The following TANC1 variants were observed in gnomAD, a reference collection of about 807,000 sequenced individuals.
TANC1 encodes protein TANC1.
A neutral mutation model predicts 149.7 loss-of-function variants in TANC1; 77 were observed. That is an observed-to-expected ratio of 0.51 (90% CI 0.43 to 0.62). The LOEUF (loss-of-function observed/expected upper bound fraction) is 0.62, where lower values mean the gene tolerates loss of function less well. Ranked by LOEUF, TANC1 falls within the 20% of genes least tolerant of loss-of-function variation. The pLI is 0.00. For missense variants in TANC1, 1,985 were observed against 2,321.8 expected (o/e 0.85, Z 2.98); for synonymous variants, 854 against 925.0 (o/e 0.92, Z 1.39).
intron 11 of TANC1, 132 bp downstream of exon 11, chr2:159,172,404 T>G (rs2055357660): frequency 1.2e-6 from 1 of 826,798 alleles, no homozygotes. Context: ...TTTAATGAAA[T>G]AGTGATACAG....
chr2:158,994,534 G>A (rs2035964433), intron 1 of TANC1, among the ~76,000 whole-genome samples: 2 of 152,200 alleles, frequency 1.3e-5, no homozygotes. Flanking sequence ...GCTTCCCCAA[G>A]TGCTGGGATT....
At chr2:159,203,815 A>G (rs945704039) in intron 19 of TANC1, among the ~76,000 whole-genome samples, 4 of 150,264 alleles carry the variant, frequency 2.7e-5, no homozygotes, top group Admixed American at 6.6e-5. Context: ...GGGCTCAAGC[A>G]GTCCTCCTGA....
In TANC1 at chr2:159,037,372, C is replaced by T. The variant is rs560559564; in HGVS notation, c.-15-28524C>T. Among the ~76,000 whole-genome samples, 682 of 152,220 alleles carry T rather than the reference C, an allele frequency of 4.5e-3. 5 individuals are homozygous for T. Among genetic ancestry groups the T allele is most frequent in the African/African-American group, 0.015 (635 of 41,516 alleles). On this transcript the variant is annotated intron_variant, in intron 2 of 26. Transcript: ENST00000263635. ...CAGAAGCTCTTTAGTTTAATTAGAT[C>T]CCATTTGTCAATTTTGGCTTTTGTT...
chr2:159,149,373 T>C, intron 6 of TANC1, 101 bp downstream of exon 6: 1 of 1,533,432 alleles, frequency 6.5e-7, no homozygotes, highest in South Asian at 1.1e-5. Context: ...CATTGTTCAG[T>C]TAAATGAGTT....
intron 4 of TANC1, among the ~76,000 whole-genome samples, chr2:159,125,223 C>G (rs1396502040): frequency 6.6e-6 from 1 of 152,202 alleles, no homozygotes; most frequent in East Asian, 1.9e-4. Context: ...CTGCTTTATA[C>G]GCCTGGTGAG....
chr2:159,041,605 A>G (rs2040639431), intron 2 of TANC1, among the ~76,000 whole-genome samples: 1 of 152,186 alleles, frequency 6.6e-6, no homozygotes, highest in Admixed American at 6.5e-5. Context: ...TGCAGGATAT[A>G]ATCTCCTGGT....
At chr2:159,068,091 TCTTAA>T (rs1248502272) in intron 3 of TANC1, among the ~76,000 whole-genome samples, 1 of 152,234 alleles carries the variant, frequency 6.6e-6, no homozygotes, top group African/African-American at 2.4e-5. Context: ...GCCTTTTTGC[TCTTAA>T]CTATAACCTG....
At chr2:159,068,932 G>T (rs1175856549) in intron 3 of TANC1, among the ~76,000 whole-genome samples, 1 of 152,126 alleles carries the variant, frequency 6.6e-6, no homozygotes, top group Non-Finnish European at 1.5e-5. Context: ...TAGACATGGG[G>T]GTTTCTCCAT....
intron 2 of TANC1, among the ~76,000 whole-genome samples, chr2:159,064,879 C>T (rs2042529091): frequency 6.6e-6 from 1 of 152,128 alleles, no homozygotes; most frequent in Admixed American, 6.5e-5. Context: ...AGGAGTTTCT[C>T]CCTCCTTGCC....
chr2:159,159,193 C>G (rs62171108), intron 7 of TANC1, among the ~76,000 whole-genome samples: 4,632 of 152,128 alleles, frequency 0.03, 93 homozygotes, highest in African/African-American at 0.055. Flanking sequence ...AAAGTTGGAT[C>G]CTAGCACTTT....
chr2:159,044,924 G>A (rs927457434), intron 2 of TANC1, among the ~76,000 whole-genome samples: 1 of 152,218 alleles, frequency 6.6e-6, no homozygotes, highest in Non-Finnish European at 1.5e-5. Flanking sequence ...CTATCCATGA[G>A]GAATGCAGTG....
intron 19 of TANC1, among the ~76,000 whole-genome samples, chr2:159,213,735 A>G (rs962867014): frequency 1.8e-4 from 27 of 152,224 alleles, no homozygotes; most frequent in African/African-American, 6.0e-4. Context: ...AAATTATCTG[A>G]CTAGAAAGAT....
At chr2:159,102,241 C>T (rs528021285) in intron 4 of TANC1, among the ~76,000 whole-genome samples, 2 of 152,168 alleles carry the variant, frequency 1.3e-5, no homozygotes, top group East Asian at 1.9e-4. Context: ...CCTGAGACCA[C>T]ATTATGTAAC....
At chr2:159,189,552 C>T (rs895592841) in intron 16 of TANC1, among the ~76,000 whole-genome samples, 2 of 152,186 alleles carry the variant, frequency 1.3e-5, no homozygotes, top group Non-Finnish European at 2.9e-5. Flanking sequence ...CATATATATA[C>T]ATACACTTTT....
chr2:159,022,866 A>G (rs1281951148), intron 2 of TANC1, among the ~76,000 whole-genome samples: 2 of 152,168 alleles, frequency 1.3e-5, no homozygotes, highest in Non-Finnish European at 2.9e-5. Flanking sequence ...ATCTCTTGGC[A>G]GGACAACAAC....
chr2:159,037,046 GCC>G (rs2040246855), intron 2 of TANC1, among the ~76,000 whole-genome samples: 1 of 152,124 alleles, frequency 6.6e-6, no homozygotes, highest in African/African-American at 2.4e-5. Context: ...TTTAATGATC[GCC>G]GTTCTAACTG....
At chr2:159,020,998 A>G (rs761454321) in intron 2 of TANC1, among the ~76,000 whole-genome samples, 2 of 152,104 alleles carry the variant, frequency 1.3e-5, no homozygotes, top group Admixed American at 6.5e-5. Flanking sequence ...ACTCATATAC[A>G]TCTTCTGAGC....
At chr2:159,122,782 A>T (rs264595) in intron 4 of TANC1, among the ~76,000 whole-genome samples, 1 of 144,580 alleles carries the variant, frequency 6.9e-6, no homozygotes, top group Non-Finnish European at 1.5e-5. Context: ...TTTTTTTTGC[A>T]GAGTAATACT....
intron 14 of TANC1, 39 bp downstream of exon 14, chr2:159,179,202 C>A: frequency 6.4e-7 from 1 of 1,573,234 alleles, no homozygotes; most frequent in South Asian, 1.2e-5. Context: ...TGCAGGGAAT[C>A]TCGTGTGCAG....
Sources: gnomAD v4.1 joint callset for allele counts (sites outside exome capture counted in the v4.1 genomes callset) on GRCh38, gnomAD v4.1.1 for gene constraint, MANE v1.5 for transcripts, NCBI Gene and HGNC (gene_info 2026-07-23, HGNC 2026-07-21) for gene names.